Variants in PRKCE observed in about 807,000 individuals in gnomAD.
PRKCE encodes the protein protein kinase C epsilon, also known as protein kinase C epsilon type.
A neutral mutation model predicts 85.4 loss-of-function variants in PRKCE; 16 were observed. That is an observed-to-expected ratio of 0.19 (90% confidence interval 0.13 to 0.28). The LOEUF is 0.28. Ranked by LOEUF, PRKCE falls within the 10% of genes least tolerant of loss-of-function variation. PRKCE has a pLI of 1.00. For synonymous variants in PRKCE, 388 were observed against 371.5 expected (o/e 1.04, Z -0.51); for missense variants, 573 against 975.2 (o/e 0.59, Z 5.49).
At chr2:45,844,336 T>C (rs1165443668) in intron 2 of PRKCE, among the ~76,000 whole-genome samples, 1 of 152,248 alleles carries the variant, frequency 6.6e-6, no homozygotes, top group Non-Finnish European at 1.5e-5. Context: ...TTTATTGCAA[T>C]TACATTTTGG....
chr2:46,093,022 T>C (rs1670331018), intron 11 of PRKCE, among the ~76,000 whole-genome samples: 1 of 152,234 alleles, frequency 6.6e-6, no homozygotes, highest in South Asian at 2.1e-4. Flanking sequence ...TTGAGTCTTC[T>C]AGGACCTGAC....
chr2:45,986,427 C>T (rs1043041518), intron 6 of PRKCE, among the ~76,000 whole-genome samples: 26 of 151,866 alleles, frequency 1.7e-4, no homozygotes, highest in Non-Finnish European at 3.4e-4. Context: ...GGGAGGCGAG[C>T]GGGGATGGGC....
chr2:46,081,701 C>G (rs1379256611), intron 10 of PRKCE, among the ~76,000 whole-genome samples: 1 of 152,130 alleles, frequency 6.6e-6, no homozygotes, highest in South Asian at 2.1e-4. Flanking sequence ...AGGGAACAAG[C>G]GACAGCTGGA....
intron 10 of PRKCE, among the ~76,000 whole-genome samples, chr2:46,040,892 A>C (rs1226154482): frequency 6.6e-6 from 1 of 152,232 alleles, no homozygotes; most frequent in East Asian, 1.9e-4. Flanking sequence ...CAAACTGACG[A>C]ATCTCAGTTT....
At chr2:45,968,924 A>G (rs1050602235) in intron 2 of PRKCE, among the ~76,000 whole-genome samples, 5 of 151,930 alleles carry the variant, frequency 3.3e-5, no homozygotes, top group African/African-American at 9.7e-5. Flanking sequence ...CTCACCCCCA[A>G]AGAAAACGGG....
intron 2 of PRKCE, among the ~76,000 whole-genome samples, chr2:45,897,250 G>A (rs865986254): frequency 6.6e-6 from 1 of 151,910 alleles, no homozygotes. Flanking sequence ...CTATCGGCCC[G>A]TCCATTCATG....
At chr2:45,681,577 C>A (rs1292485406) in intron 1 of PRKCE, among the ~76,000 whole-genome samples, 1 of 152,180 alleles carries the variant, frequency 6.6e-6, no homozygotes, top group Non-Finnish European at 1.5e-5. Context: ...TAATGTCCCA[C>A]TTGACTCCTT....
intron 1 of PRKCE, among the ~76,000 whole-genome samples, chr2:45,731,617 A>ATTTTTTTTTTTTTTTTTTTTTTTTT (rs11329717): frequency 9.2e-6 from 1 of 108,582 alleles, no homozygotes; most frequent in Non-Finnish European, 1.9e-5. Context: ...AATTCCTGGA[A>ATTTTTTTTTTTTTTTTTTTTTTTTT]TTTTTTTTTT....
At chr2:46,171,328 G>T (rs1450682174) in intron 14 of PRKCE, among the ~76,000 whole-genome samples, 1 of 152,226 alleles carries the variant, frequency 6.6e-6, no homozygotes, top group African/African-American at 2.4e-5. Flanking sequence ...AACCCCAAAA[G>T]ACTTGGTGGT....
At chr2:45,926,404 G>A (rs373123970) in intron 2 of PRKCE, among the ~76,000 whole-genome samples, 7 of 152,206 alleles carry the variant, frequency 4.6e-5, no homozygotes, top group South Asian at 2.1e-4. Context: ...GGTGAAATCA[G>A]TGAGTTAGGT....
At chr2:46,072,763 T>C (rs1212930491) in intron 10 of PRKCE, among the ~76,000 whole-genome samples, 1 of 152,172 alleles carries the variant, frequency 6.6e-6, no homozygotes, top group Non-Finnish European at 1.5e-5. Flanking sequence ...ATACCTCTTG[T>C]AGGAAGCCAT....
intron 14 of PRKCE, among the ~76,000 whole-genome samples, chr2:46,175,182 C>T (rs555039547): frequency 6.6e-6 from 1 of 152,278 alleles, no homozygotes; most frequent in South Asian, 2.1e-4. Context: ...GAAAACAGCA[C>T]AGGAAGGCAA....
intron 1 of PRKCE, chr2:45,685,275 A>G (rs907547199): frequency 2.6e-5 from 4 of 152,194 alleles, no homozygotes; most frequent in Non-Finnish European, 5.9e-5. Flanking sequence ...TGGTACTAAG[A>G]TACTCTGTTG....
chr2:46,167,581 C>T (rs368108793), intron 14 of PRKCE, among the ~76,000 whole-genome samples: 10 of 152,138 alleles, frequency 6.6e-5, no homozygotes, highest in African/African-American at 1.9e-4. Flanking sequence ...AATGCTGAGG[C>T]GCCTGCAGGG....
intron 10 of PRKCE, among the ~76,000 whole-genome samples, chr2:46,028,121 T>C (rs952115566): frequency 2.6e-5 from 4 of 152,158 alleles, no homozygotes; most frequent in Non-Finnish European, 1.5e-5. Flanking sequence ...TTTGTGTTTT[T>C]AGTAGAGACG....
intron 2 of PRKCE, among the ~76,000 whole-genome samples, chr2:45,941,036 A>G (rs919305123): frequency 7.2e-6 from 1 of 139,812 alleles, no homozygotes; most frequent in African/African-American, 2.7e-5. Flanking sequence ...ACTGCACTCC[A>G]GCCTGGGTGA....
chr2:45,967,523 T>G (rs1421357096), intron 2 of PRKCE, among the ~76,000 whole-genome samples: 1 of 152,118 alleles, frequency 6.6e-6, no homozygotes, highest in Non-Finnish European at 1.5e-5. Context: ...AGAACTTCAC[T>G]TGGGCCTTTA....
At position 45,895,237 on chromosome 2, in the gene PRKCE, C is replaced by T. The variant is rs1408912069; in HGVS notation, c.412+52174C>T. ...TAGACTACTCTCCATTTTATTTTCT[C>T]ACTTCTGGCCACTGTCGGTTGTAGA... On this transcript the variant is annotated intron_variant, in intron 2 of 14. Transcript: ENST00000306156. The surrounding 1 kb of genome is among the most constrained non-coding windows in gnomAD (Gnocchi z 4.8). Among the ~76,000 whole-genome samples the T allele has an allele frequency of 1.3e-5, 2 of 152,094 alleles. No individual in the cohort carries two copies. Among genetic ancestry groups the T allele is most frequent in the Non-Finnish European group, 2.9e-5 (2 of 68,018 alleles).
intron 1 of PRKCE, among the ~76,000 whole-genome samples, chr2:45,830,804 G>A (rs2105394449): frequency 6.6e-6 from 1 of 152,304 alleles, no homozygotes. Context: ...AGTTCTGATA[G>A]ATTATGATCT....
Sources: allele counts gnomAD v4.1 joint callset (sites outside exome capture counted in the v4.1 genomes callset), GRCh38; gene constraint gnomAD v4.1.1; non-coding constraint Gnocchi (gnomAD v3.1); transcripts MANE v1.5; gene names NCBI Gene and HGNC (gene_info 2026-07-23, HGNC 2026-07-21).